Variants in EPHB1 observed in about 807,000 individuals in gnomAD.
EPHB1 encodes the protein EPH receptor B1.
EPHB1 carries 30 observed loss-of-function variants against 94.4 expected under a neutral mutation model. That is an observed-to-expected ratio of 0.32 (90% CI 0.24 to 0.43). The LOEUF (loss-of-function observed/expected upper bound fraction) is 0.43. EPHB1 is among the 20% of genes least tolerant of loss of function. The probability of loss-of-function intolerance (pLI) is 1.00; values close to 1 mark genes in which losing one functional copy is unlikely to be tolerated. For synonymous variants in EPHB1, 522 were observed against 489.1 expected, an observed-to-expected ratio of 1.07 and a Z score of -0.89; for missense variants, 1,055 against 1,308.3, an observed-to-expected ratio of 0.81 and a Z score of 2.99.
At chr3:134,804,069 C>CTTTTTTTTTTTTTTTTTTTTTTTTTT (rs1560240142) in intron 1 of EPHB1, among the ~76,000 whole-genome samples, 1 of 51,810 alleles carries the variant, frequency 1.9e-5, no homozygotes, top group Non-Finnish European at 3.5e-5. Context: ...TCATTATTGG[C>CTTTTTTTTTTTTTTTTTTTTTTTTTT]TATTTTTTTT....
chr3:134,900,969 C>T (rs141697481), intron 1 of EPHB1, among the ~76,000 whole-genome samples: 116 of 152,178 alleles, frequency 7.6e-4, no homozygotes, highest in African/African-American at 2.7e-3. Context: ...AATGTGGTGA[C>T]TGGTCTGATG....
chr3:135,097,010 C>T (rs1938808440), intron 3 of EPHB1, among the ~76,000 whole-genome samples: 1 of 149,910 alleles, frequency 6.7e-6, no homozygotes, highest in African/African-American at 2.5e-5. Context: ...GCAGGAGTAT[C>T]GCTTGAACCC....
intron 4 of EPHB1, among the ~76,000 whole-genome samples, chr3:135,122,088 G>T (rs1313273485): frequency 6.6e-6 from 1 of 152,186 alleles, no homozygotes; most frequent in Non-Finnish European, 1.5e-5. Context: ...TGTGGCTGTT[G>T]TGCAGGTGCC....
chr3:134,832,191 T>C (rs908904350), intron 1 of EPHB1, among the ~76,000 whole-genome samples: 1 of 152,256 alleles, frequency 6.6e-6, no homozygotes, highest in Non-Finnish European at 1.5e-5. Context: ...GAATTCAAAT[T>C]TAACTGGGTG....
At chr3:135,146,123 G>A (rs1941001631) in intron 5 of EPHB1, among the ~76,000 whole-genome samples, 1 of 152,110 alleles carries the variant, frequency 6.6e-6, no homozygotes, top group African/African-American at 2.4e-5. Flanking sequence ...AGGGGCTTTG[G>A]GTTGGGAGGC....
At chr3:134,913,042 G>C (rs2038487821) in intron 1 of EPHB1, among the ~76,000 whole-genome samples, 1 of 152,164 alleles carries the variant, frequency 6.6e-6, no homozygotes, top group Non-Finnish European at 1.5e-5. Context: ...AAGGCTTTTT[G>C]GTTTTCCATT....
chr3:134,999,874 A>C (rs566539346), intron 3 of EPHB1, among the ~76,000 whole-genome samples: 41 of 152,318 alleles, frequency 2.7e-4, no homozygotes, highest in Middle Eastern at 3.4e-3. Flanking sequence ...TAAGCCAGGA[A>C]GGAGGATCTC....
intron 11 of EPHB1, among the ~76,000 whole-genome samples, chr3:135,199,850 T>C (rs1219389997): frequency 1.3e-5 from 2 of 152,260 alleles, no homozygotes; most frequent in Admixed American, 6.5e-5. Flanking sequence ...TTTTCCTTGC[T>C]TATTTTTGCA....
At chr3:135,071,299 G>A (rs538279809) in intron 3 of EPHB1, among the ~76,000 whole-genome samples, 1 of 152,316 alleles carries the variant, frequency 6.6e-6, no homozygotes, top group East Asian at 1.9e-4. Flanking sequence ...ACTGGACCCA[G>A]GTAATTTTAA....
chr3:135,106,313 C>T (rs1339257491), intron 3 of EPHB1, 135 bp from the exon 4 acceptor site: 3 of 950,954 alleles, frequency 3.2e-6, no homozygotes, highest in African/African-American at 3.3e-5. Context: ...TTTCCTCAAC[C>T]TTAGATCTCC....
chr3:135,148,622 C>G (rs1941092008), intron 5 of EPHB1, among the ~76,000 whole-genome samples: 1 of 152,248 alleles, frequency 6.6e-6, no homozygotes, highest in Non-Finnish European at 1.5e-5. Flanking sequence ...CAACTTGCAG[C>G]TAGGGCCATC....
At chr3:134,974,019 G>C (rs1009130611) in intron 3 of EPHB1, among the ~76,000 whole-genome samples, 5 of 152,188 alleles carry the variant, frequency 3.3e-5, no homozygotes, top group African/African-American at 1.2e-4. Flanking sequence ...GATTTGGCTG[G>C]AAGGCAAGTC....
intron 2 of EPHB1, among the ~76,000 whole-genome samples, chr3:134,947,385 C>G (rs2107712764): frequency 6.6e-6 from 1 of 152,288 alleles, no homozygotes; most frequent in South Asian, 2.1e-4. Context: ...CCACTCTGAT[C>G]ACTTATTTCT....
chr3:134,904,024 GC>G (rs1045380607), intron 1 of EPHB1, among the ~76,000 whole-genome samples: 7 of 152,224 alleles, frequency 4.6e-5, no homozygotes, highest in African/African-American at 1.7e-4. Context: ...AGCACCGGGG[GC>G]CTTTTCAGGA....
intron 15 of EPHB1, among the ~76,000 whole-genome samples, chr3:135,258,054 G>T (rs1011550795): frequency 1.3e-5 from 2 of 152,166 alleles, no homozygotes; most frequent in Non-Finnish European, 2.9e-5. Flanking sequence ...GTGAGGCAAT[G>T]CCTCACCCTG....
chr3:135,106,054 T>C (rs1054165544), intron 3 of EPHB1, among the ~76,000 whole-genome samples: 3 of 152,092 alleles, frequency 2.0e-5, no homozygotes, highest in Admixed American at 6.5e-5. Context: ...GGATGAGATG[T>C]CTTTAGTGAG....
At chr3:135,039,886 A>G (rs1439079057) in intron 3 of EPHB1, among the ~76,000 whole-genome samples, 2 of 152,198 alleles carry the variant, frequency 1.3e-5, no homozygotes, top group African/African-American at 2.4e-5. Flanking sequence ...GGGGGGCTGA[A>G]GGGCTCCTCA....
At chr3:135,208,290 C>CTTTGT (rs1283544628) in intron 12 of EPHB1, among the ~76,000 whole-genome samples, 1 of 142,684 alleles carries the variant, frequency 7.0e-6, no homozygotes, top group Non-Finnish European at 1.5e-5. Context: ...CCTTTCATGA[C>CTTTGT]GTGTGTGTGT....
rs141066725 is a variant in EPHB1, at chr3:134,931,750, T to A, written c.123+5870T>A. Among the ~76,000 whole-genome samples, 357 of 152,306 alleles carry A rather than the reference T, an allele frequency of 2.3e-3. 1 individual carries two copies. Among genetic ancestry groups the A allele is most frequent in the African/African-American group, 7.7e-3 (318 of 41,546 alleles). Reference sequence around the variant, plus strand: ...ATGTCTCTTTAGAAATATAAGTATGTGTGTGCATGTATATATGAGTGTATG... The same window carrying A: ...ATGTCTCTTTAGAAATATAAGTATGAGTGTGCATGTATATATGAGTGTATG... On this transcript the variant is annotated intron_variant, in intron 2 of 15. Coordinates refer to ENST00000398015, the MANE Select transcript of EPHB1 (RefSeq NM_004441.5).
Sources: allele counts gnomAD v4.1 joint callset (sites outside exome capture counted in the v4.1 genomes callset), GRCh38; gene constraint gnomAD v4.1.1; transcripts MANE v1.5; gene names NCBI Gene and HGNC (gene_info 2026-07-23, HGNC 2026-07-21).